Variants in HAT1 observed in about 807,000 individuals in gnomAD.
HAT1 encodes the protein histone acetyltransferase type B catalytic subunit.
A neutral mutation model predicts 56.6 loss-of-function variants in HAT1; 20 were observed. The observed-to-expected ratio is 0.35, with a 90% CI of 0.25 to 0.51. The LOEUF (loss-of-function observed/expected upper bound fraction) is 0.51. Ranked by LOEUF, HAT1 falls within the 20% of genes least tolerant of loss-of-function variation. The probability of loss-of-function intolerance (pLI) is 0.95; values close to 1 mark genes in which losing one functional copy is unlikely to be tolerated. For missense variants in HAT1, 408 were observed against 504.3 expected (o/e 0.81, Z 1.83); for synonymous variants, 146 against 165.5 (o/e 0.88, Z 0.91).
chr2:171,974,203 A>AAAAAC (rs1687902967), intron 8 of HAT1, among the ~76,000 whole-genome samples: 1 of 73,722 alleles, frequency 1.4e-5, no homozygotes, highest in Non-Finnish European at 3.1e-5. Flanking sequence ...GAAAAAAAGA[A>AAAAAC]AAAGAAAAAA....
intron 2 of HAT1, among the ~76,000 whole-genome samples, chr2:171,940,700 A>T (rs536442114): frequency 1.1e-4 from 16 of 152,280 alleles, no homozygotes; most frequent in African/African-American, 3.9e-4. Flanking sequence ...GTCTCGATGT[A>T]ACTAAGCAGT....
At chr2:171,929,276 T>C (rs1686678461) in intron 2 of HAT1, among the ~76,000 whole-genome samples, 2 of 152,230 alleles carry the variant, frequency 1.3e-5, no homozygotes, top group Non-Finnish European at 2.9e-5. Flanking sequence ...TTTGGACTCA[T>C]GTATTCACAT....
At chr2:171,962,609 G>T (rs1216237548) in intron 4 of HAT1, among the ~76,000 whole-genome samples, 1 of 152,172 alleles carries the variant, frequency 6.6e-6, no homozygotes, top group Non-Finnish European at 1.5e-5. Context: ...GGCCAGGCTG[G>T]TCTCAAACTC....
At chr2:171,929,670 T>C (rs911142931) in intron 2 of HAT1, among the ~76,000 whole-genome samples, 1 of 152,182 alleles carries the variant, frequency 6.6e-6, no homozygotes, top group African/African-American at 2.4e-5. Flanking sequence ...GGGATTAAGG[T>C]TTGTTGTTCC....
chr2:171,923,976 G>T (rs1470112894), intron 1 of HAT1: 1 of 152,152 alleles, frequency 6.6e-6, no homozygotes, highest in Non-Finnish European at 1.5e-5. Context: ...CGGTTCTGTA[G>T]ATTAGGGTCA....
chr2:171,926,079 T>C (rs990160852), intron 2 of HAT1, among the ~76,000 whole-genome samples: 1 of 152,134 alleles, frequency 6.6e-6, no homozygotes, highest in African/African-American at 2.4e-5. Context: ...TCCTTCCTTC[T>C]CTTCTTTCAT....
At position 171,983,329 on chromosome 2, in the gene HAT1, A is replaced by C. The variant is rs768405033; in HGVS notation, c.1237A>C (p.Ile413Leu). Residue 413 changes from isoleucine to leucine, a missense_variant, in exon 11 of 11, where the codon ATT becomes CTT. Physicochemically the swap from Ile to Leu is conservative, Grantham distance 5. Transcript: ENST00000264108. ...QELVEDYRRV[I>L]ERLAQE Reference sequence around the variant, plus strand: ...ACTAGTGGAAGATTACCGGCGTGTTATTGAACGACTTGCTCAAGAGTAAAG... The same window carrying C: ...ACTAGTGGAAGATTACCGGCGTGTTCTTGAACGACTTGCTCAAGAGTAAAG... 1.2e-6 allele frequency: 2 copies of C among 1,608,270 alleles called. No homozygotes were observed. Among genetic ancestry groups the C allele is most frequent in the Admixed American group, 1.7e-5 (1 of 59,090 alleles).
intron 10 of HAT1, among the ~76,000 whole-genome samples, chr2:171,982,122 A>G (rs1170225326): frequency 6.6e-6 from 1 of 152,148 alleles, no homozygotes; most frequent in Admixed American, 6.5e-5. Flanking sequence ...AAGTGCAAGT[A>G]TTTTCTACTC....
chr2:171,934,912 C>T (rs1187097523), intron 2 of HAT1, among the ~76,000 whole-genome samples: 2 of 151,764 alleles, frequency 1.3e-5, no homozygotes, highest in Non-Finnish European at 2.9e-5. Context: ...CCCACCACCA[C>T]GCCCAGTTAA....
At chr2:171,982,919 G>T (rs1188220655) in intron 10 of HAT1, among the ~76,000 whole-genome samples, 1 of 151,890 alleles carries the variant, frequency 6.6e-6, no homozygotes, top group African/African-American at 2.4e-5. Context: ...TTTTGGAGGG[G>T]GCTGCTAGTC....
intron 10 of HAT1, among the ~76,000 whole-genome samples, chr2:171,982,945 C>G (rs1277036925): frequency 6.6e-6 from 1 of 151,978 alleles, no homozygotes; most frequent in Non-Finnish European, 1.5e-5. Context: ...TCTGTATTTA[C>G]CATCATTGGA....
intron 2 of HAT1, among the ~76,000 whole-genome samples, chr2:171,937,811 C>T (rs1044816029): frequency 2.6e-5 from 4 of 151,976 alleles, no homozygotes; most frequent in Non-Finnish European, 4.4e-5. Flanking sequence ...CACTTGAAGC[C>T]AGGAGTTTGA....
intron 2 of HAT1, among the ~76,000 whole-genome samples, chr2:171,939,276 C>G (rs1686959265): frequency 2.6e-5 from 4 of 152,176 alleles, no homozygotes; most frequent in Admixed American, 2.6e-4. Flanking sequence ...CTTTCAAAAT[C>G]TCTGCTAATG....
rs1452291322 is a variant in HAT1, at chr2:171,952,918, T to TTATACTA, written c.230_236dup (p.Ala80LeufsTer5). The stretch of plus-strand genomic sequence containing the variant: ...TGGTTACAAGGGTCTAAAGATCCTG[T>TTATACTA]TATACTATATTGCTGGTAGCCTGTC... On this transcript the variant is annotated frameshift_variant, in exon 4 of 11. Transcript: ENST00000264108. LOFTEE classifies it high-confidence loss of function. 6.3e-7 allele frequency: 1 copy of TTATACTA among 1,591,456 alleles called. No homozygotes were observed. The highest frequency in any genetic ancestry group is 8.6e-7 in the Non-Finnish European group (1 of 1,160,578).
chr2:171,923,404 A>G (rs1479848938), intron 1 of HAT1: 1 of 152,156 alleles, frequency 6.6e-6, no homozygotes, highest in Non-Finnish European at 1.5e-5. Context: ...AGCTAGGACT[A>G]CAGGCATGCG....
intron 2 of HAT1, among the ~76,000 whole-genome samples, chr2:171,927,172 T>C (rs1041109320): frequency 3.3e-5 from 5 of 152,210 alleles, no homozygotes; most frequent in Admixed American, 6.5e-5. Context: ...CTTTTGGGAA[T>C]TATGGAAATG....
At chr2:171,941,217 G>T (rs1341483676) in intron 2 of HAT1, among the ~76,000 whole-genome samples, 2 of 151,930 alleles carry the variant, frequency 1.3e-5, no homozygotes, top group Non-Finnish European at 2.9e-5. Flanking sequence ...TTTTGTTGTT[G>T]TTTTGTTTTT....
chr2:171,966,558 A>G, intron 7 of HAT1, 45 bp downstream of exon 7: 1 of 884,272 alleles, frequency 1.1e-6, no homozygotes, highest in Non-Finnish European at 1.9e-6. Flanking sequence ...TTTCAGAAGA[A>G]GGAACTGCTG....
At chr2:171,932,438 A>G (rs1289761160) in intron 2 of HAT1, among the ~76,000 whole-genome samples, 2 of 152,180 alleles carry the variant, frequency 1.3e-5, no homozygotes, top group Admixed American at 1.3e-4. Context: ...TACATCTAAT[A>G]AATAGATTTA....
Sources: allele counts gnomAD v4.1 joint callset (sites outside exome capture counted in the v4.1 genomes callset), GRCh38; gene constraint gnomAD v4.1.1; transcripts MANE v1.5; gene names NCBI Gene and HGNC (gene_info 2026-07-23, HGNC 2026-07-21).